The following MON1B variants were observed in gnomAD, a reference collection of about 807,000 sequenced individuals.
MON1B encodes MON1 vesicular trafficking associated B.
MON1B carries 26 observed loss-of-function variants against 45.1 expected under a neutral mutation model. The ratio of observed to expected loss-of-function variants is 0.58; its 90% CI spans 0.42 to 0.80. The LOEUF is 0.80. Among genes scored for constraint, MON1B ranks in the 30% least tolerant of loss-of-function variants. The pLI is 0.00. For synonymous variants in MON1B, 395 were observed against 320.2 expected (o/e 1.23, Z -2.49); for missense variants, 737 against 754.5 (o/e 0.98, Z 0.27).
intron 2 of MON1B, among the ~76,000 whole-genome samples, chr16:77,192,710 T>A (rs1460901566): frequency 1.3e-5 from 2 of 150,816 alleles, no homozygotes; most frequent in Non-Finnish European, 3.0e-5. Flanking sequence ...TAGGGGGGAG[T>A]AGACATGGAG....
rs776016012 is a variant in MON1B at position 77,195,485 on chromosome 16, C to G, written c.1296-50C>G. On this transcript the variant is annotated intron_variant, in intron 4 of 5. Transcript: ENST00000248248. ...AGACTGAGGGAGGAAATGGGCCAGC[C>G]AAGAAGGCCCTGGACTAACCTTGTC... 4.5e-6 allele frequency: 7 copies of G among 1,558,818 alleles called. No homozygotes were observed. The Admixed American group carries it at 1.3e-4, about 29-fold the overall frequency.
At chr16:77,192,308 G>C (rs1312285275) in intron 2 of MON1B, among the ~76,000 whole-genome samples, 2 of 152,320 alleles carry the variant, frequency 1.3e-5, no homozygotes, top group South Asian at 2.1e-4. Context: ...GGTAAGAGCA[G>C]TTATTAGGAG....
chr16:77,195,562 AGAG>A lies in MON1B; in HGVS notation c.1330_1332del (p.Glu444del). ...CTGAGCTAGAGGCCCCCTACAGCAGAGAGGAGGAGCGGCAGCGGCTGTCGGACC... is the reference window on the plus strand; with the variant it reads ...CTGAGCTAGAGGCCCCCTACAGCAGAGAGGAGCGGCAGCGGCTGTCGGACC... On this transcript the variant is annotated inframe_deletion, in exon 5 of 6. Coordinates refer to ENST00000248248, the MANE Select transcript of MON1B (RefSeq NM_014940.4). 6.2e-7 allele frequency: 1 copy of A among 1,613,974 alleles called. No individual in the cohort carries two copies. The highest frequency in any genetic ancestry group is 8.5e-7 in the Non-Finnish European group (1 of 1,179,932).
rs1341793776 is a variant in MON1B, at chr16:77,200,401, G to A, written c.*2093G>A. 3 of 151,144 alleles carry A rather than the reference G, an allele frequency of 2.0e-5. No individual in the cohort carries two copies. Among genetic ancestry groups the A allele is most frequent in the Admixed American group, 6.6e-5 (1 of 15,166 alleles). 9.4% of individuals were successfully genotyped at this position (151,144 alleles called of 1,614,324 possible). Reference sequence around the variant, plus strand: ...CGAGAGGCGGAGGTTGCAGTGAGCCGAGATCATGTCACTGCACTCCAGCCT... The same window carrying A: ...CGAGAGGCGGAGGTTGCAGTGAGCCAAGATCATGTCACTGCACTCCAGCCT... On this transcript the variant is annotated 3_prime_UTR_variant, in exon 6 of 6. Transcript: ENST00000248248.
At chr16:77,195,449 T>G in intron 4 of MON1B, 86 bp from the exon 5 acceptor site, 1 of 1,442,444 alleles carries the variant, frequency 6.9e-7, no homozygotes, top group East Asian at 2.4e-5. Context: ...CCTAACTTCA[T>G]TGAAATCTCT....
chr16:77,200,746 C>CAAAAAAAAGAAA lies in MON1B; in HGVS notation c.*2446_*2447insGAAAAAAAAAAA. The CAAAAAAAAGAAA allele has an allele frequency of 1.2e-5, 1 of 84,838 alleles. No homozygotes were observed. Among genetic ancestry groups the CAAAAAAAAGAAA allele is most frequent in the Non-Finnish European group, 2.3e-5 (1 of 42,852 alleles). 5.3% of individuals were successfully genotyped at this position (84,838 alleles called of 1,614,324 possible). On this transcript the variant is annotated 3_prime_UTR_variant, in exon 6 of 6. Transcript: ENST00000248248. ...ACTCCAGCGCGGAAGACAGAGTGAG[C>CAAAAAAAAGAAA]AAAAAAAAAAAAAAAAAAAGAAAAA...
Position 77,194,809 on chromosome 16 carries a change from C to A in MON1B, c.950C>A (p.Ala317Glu). 5 of 1,612,002 alleles carry A rather than the reference C, an allele frequency of 3.1e-6. No individual in the cohort carries two copies. Among genetic ancestry groups the A allele is most frequent in the Non-Finnish European group, 4.2e-6 (5 of 1,179,976 alleles). ...LLDWVGAPAF[A>E]AGEAWAPVCL... is the part of the protein sequence containing the mutation. Reference sequence around the variant, plus strand: ...GACTGGGTGGGTGCACCAGCCTTTGCGGCGGGTGAGGCTTGGGCACCTGTG... The same window carrying A: ...GACTGGGTGGGTGCACCAGCCTTTGAGGCGGGTGAGGCTTGGGCACCTGTG... Residue 317 changes from alanine (A) to glutamate (E), a missense_variant, in exon 4 of 6, where the codon GCG (alanine) becomes GAG (glutamate). By Grantham distance (107) the Ala-to-Glu change is moderately radical (BLOSUM62 -1). Transcript: ENST00000248248. The surrounding 1 kb of genome is among the most constrained non-coding windows in gnomAD (Gnocchi z 8.1).
intron 5 of MON1B, among the ~76,000 whole-genome samples, 179 bp downstream of exon 5, chr16:77,195,861 A>T (rs563414415): frequency 6.6e-6 from 1 of 152,244 alleles, no homozygotes; most frequent in African/African-American, 2.4e-5. Context: ...CTGACAACTA[A>T]TGACCGTGTC....
rs780889425 is a variant in MON1B at position 77,194,310 on chromosome 16, C to A, written c.476-25C>A. 6.3e-7 allele frequency: 1 copy of A among 1,585,342 alleles called. No homozygotes were observed. The highest frequency in any genetic ancestry group is 8.6e-7 in the Non-Finnish European group (1 of 1,166,538). On this transcript the variant is annotated intron_variant, in intron 3 of 5. Coordinates refer to ENST00000248248, the MANE Select transcript of MON1B (RefSeq NM_014940.4). This position sits in a 1 kb window ranked among gnomAD's most constrained non-coding sequence, Gnocchi z 8.1. ...GTCATTCCTGATCCAGCTGTACCCCCCCTTCTTACCCCTTCCTTCCCTAGA... is the reference window on the plus strand; with the variant it reads ...GTCATTCCTGATCCAGCTGTACCCCACCTTCTTACCCCTTCCTTCCCTAGA...
rs954990322 is a variant in MON1B at position 77,198,595 on chromosome 16, G to C, written c.*287G>C. ...CCACTTGGATGATGCTCTAGCCTCTGTCAGGGACTGTCCCCTCCAAACTTG... is the reference window on the plus strand; with the variant it reads ...CCACTTGGATGATGCTCTAGCCTCTCTCAGGGACTGTCCCCTCCAAACTTG... On this transcript the variant is annotated 3_prime_UTR_variant, in exon 6 of 6. Coordinates refer to ENST00000248248, the MANE Select transcript of MON1B (RefSeq NM_014940.4). The C allele has an allele frequency of 2.2e-6, 1 of 449,236 alleles. No homozygotes were observed. The highest frequency in any genetic ancestry group is 4.4e-5 in the East Asian group (1 of 22,858). The allele number at this position is 449,236 out of a possible 1,614,324, so 27.8% of individuals were successfully genotyped here.
In MON1B at chr16:77,191,229, C is replaced by A; in HGVS notation, c.-40C>A. The A allele has an allele frequency of 6.5e-7, 1 of 1,536,636 alleles. No individual in the cohort carries two copies. Among genetic ancestry groups the A allele is most frequent in the Non-Finnish European group, 8.7e-7 (1 of 1,146,940 alleles). The stretch of plus-strand genomic sequence containing the variant: ...CGCCGCTACGGGGAAGTAATGGTAT[C>A]CGGCCAATTGAGATTCGGAGTTAAA... On this transcript the variant is annotated 5_prime_UTR_variant, in exon 1 of 6. Coordinates refer to ENST00000248248, the MANE Select transcript of MON1B (RefSeq NM_014940.4).
At position 77,198,388 on chromosome 16, in the gene MON1B, TG is replaced by T; in HGVS notation, c.*85del. The stretch of plus-strand genomic sequence containing the variant: ...CTTCTGTCTACCCTGGAAATGTGTG[TG>T]GGGGTGTGTCTGTGGCCAGTCATTG... On this transcript the variant is annotated 3_prime_UTR_variant, in exon 6 of 6. Coordinates refer to ENST00000248248, the MANE Select transcript of MON1B (RefSeq NM_014940.4). 6.9e-7 allele frequency: 1 copy of T among 1,455,532 alleles called. No homozygotes were observed. The highest frequency in any genetic ancestry group is 9.6e-7 in the Non-Finnish European group (1 of 1,044,774). The allele number at this position is 1,455,532 out of a possible 1,614,324, so 90.2% of individuals were successfully genotyped here.
rs1461998604 is a variant in MON1B at position 77,199,563 on chromosome 16, G to A, written c.*1255G>A. On this transcript the variant is annotated 3_prime_UTR_variant, in exon 6 of 6. Transcript: ENST00000248248. ...CCTTTCTCTCCAACCAGGGCAGAAAGGAGGGAGGATTCGTCCCATTACAAT... is the reference window on the plus strand; with the variant it reads ...CCTTTCTCTCCAACCAGGGCAGAAAAGAGGGAGGATTCGTCCCATTACAAT... The A allele has an allele frequency of 2.9e-6, 4 of 1,374,230 alleles. No homozygotes were observed. The highest frequency in any genetic ancestry group is 2.5e-5 in the East Asian group (1 of 40,062). 85.1% of individuals were successfully genotyped at this position (1,374,230 alleles called of 1,614,324 possible).
intron 5 of MON1B, among the ~76,000 whole-genome samples, chr16:77,196,653 G>A (rs1022567250): frequency 5.3e-5 from 8 of 152,284 alleles, no homozygotes; most frequent in Admixed American, 5.2e-4. Flanking sequence ...GTGCGCACCT[G>A]TAGTCCCAGC....
In MON1B at chr16:77,198,408, G is replaced by C. The variant is rs560724718; in HGVS notation, c.*100G>C. 7.5e-7 allele frequency: 1 copy of C among 1,339,980 alleles called. No homozygotes were observed. The highest frequency in any genetic ancestry group is 1.8e-5 in the Admixed American group (1 of 54,190). 83.0% of individuals were successfully genotyped at this position (1,339,980 alleles called of 1,614,324 possible). A position where few individuals can be genotyped will look rare whatever the true frequency, so the allele number is the denominator to read the frequency against. ...GTGTGTGGGGGTGTGTCTGTGGCCA[G>C]TCATTGTCTCCCTAAGCAATGGGGC... On this transcript the variant is annotated 3_prime_UTR_variant, in exon 6 of 6. Coordinates refer to ENST00000248248, the MANE Select transcript of MON1B (RefSeq NM_014940.4).
At position 77,195,395 on chromosome 16, in the gene MON1B, C is replaced by T; in HGVS notation, c.1296-140C>T. 3.3e-6 allele frequency: 4 copies of T among 1,212,936 alleles called. No individual in the cohort carries two copies. In the East Asian group the frequency reaches 7.7e-5, roughly 23 times the overall value. 75.1% of individuals were successfully genotyped at this position (1,212,936 alleles called of 1,614,324 possible). ...TAGTTTGATGAGGGAAGGTCAGCCT[C>T]CAACCCCTGAGAATCCTCAAGTCTC... is the stretch of plus-strand genomic sequence containing the variant. On this transcript the variant is annotated intron_variant, in intron 4 of 5. Coordinates refer to ENST00000248248, the MANE Select transcript of MON1B (RefSeq NM_014940.4).
intron 2 of MON1B, among the ~76,000 whole-genome samples, chr16:77,191,980 A>G (rs940313442): frequency 6.6e-6 from 1 of 151,954 alleles, no homozygotes; most frequent in Non-Finnish European, 1.5e-5. Context: ...AGGACTGTTG[A>G]GAAGTTAGTG....
Position 77,197,101 on chromosome 16 carries a change from C to T in MON1B, c.1444-1007C>T, listed in dbSNP as rs75964862. Among the ~76,000 whole-genome samples the T allele has an allele frequency of 6.9e-3, 1,048 of 152,042 alleles. 14 individuals are homozygous for T. The highest frequency in any genetic ancestry group is 0.023 in the African/African-American group (963 of 41,504). ...TTAAAACCAAGATATGGGCCAGACA[C>T]GGTGCCTCACGCCTATAATCCCAGC... On this transcript the variant is annotated intron_variant, in intron 5 of 5. Transcript: ENST00000248248.
rs2054659569 is a variant in MON1B, at chr16:77,195,769, C to A, written c.1443+87C>A. The A allele has an allele frequency of 2.7e-6, 4 of 1,506,656 alleles. No homozygotes were observed. In the South Asian group the frequency reaches 4.9e-5, roughly 19 times the overall value. 93.3% of individuals were successfully genotyped at this position (1,506,656 alleles called of 1,614,324 possible). ...GTATCCCCTCCAGCCACAGTGCCTCCACCAAACACAGCAGGCCTCTGGCTG... is the reference window on the plus strand; with the variant it reads ...GTATCCCCTCCAGCCACAGTGCCTCAACCAAACACAGCAGGCCTCTGGCTG... On this transcript the variant is annotated intron_variant, in intron 5 of 5. Transcript: ENST00000248248.
Sources: gnomAD v4.1 joint callset for allele counts (sites outside exome capture counted in the v4.1 genomes callset) on GRCh38, gnomAD v4.1.1 for gene constraint, Gnocchi (gnomAD v3.1) non-coding constraint, MANE v1.5 for transcripts, NCBI Gene and HGNC (gene_info 2026-07-23, HGNC 2026-07-21) for gene names.